LGMN: variants seen among roughly 807,000 people sequenced by gnomAD.
The protein encoded by LGMN is legumain.
A neutral mutation model predicts 56.8 loss-of-function variants in LGMN; 36 were observed. That is an observed-to-expected ratio of 0.63 (90% confidence interval 0.49 to 0.84). The LOEUF (loss-of-function observed/expected upper bound fraction) is 0.84. Among genes scored for constraint, LGMN ranks in the 40% least tolerant of loss-of-function variants. LGMN has a pLI of 0.00. For missense variants in LGMN, 446 were observed against 556.1 expected (o/e 0.80, Z 1.99); for synonymous variants, 199 against 210.1 (o/e 0.95, Z 0.46).
intron 7 of LGMN, among the ~76,000 whole-genome samples, chr14:92,713,391 C>T (rs908189684): frequency 6.6e-6 from 1 of 152,036 alleles, no homozygotes; most frequent in Non-Finnish European, 1.5e-5. Flanking sequence ...AAAACTCTGG[C>T]CCTGCACAGT....
chr14:92,732,939 A>G lies in LGMN; in HGVS notation c.-29-124T>C. The G allele has an allele frequency of 4.6e-6, 3 of 656,280 alleles. No individual in the cohort carries two copies. The East Asian group carries it at 8.9e-5, about 19-fold the overall frequency. 40.7% of individuals were successfully genotyped at this position (656,280 alleles called of 1,614,324 possible). A position where few individuals can be genotyped will look rare whatever the true frequency, so the allele number is the denominator to read the frequency against. On this transcript the variant is annotated intron_variant, in intron 1 of 13. Transcript: ENST00000334869. ...GCCGAGGAGGGTGGATCAAGAGGTC[A>G]GGAGTTTGAGATCAGCTTGGCCAAC... is the stretch of plus-strand genomic sequence containing the variant.
intron 11 of LGMN, among the ~76,000 whole-genome samples, chr14:92,707,822 G>A (rs1369128962): frequency 1.3e-5 from 2 of 152,130 alleles, no homozygotes; most frequent in Non-Finnish European, 2.9e-5. Flanking sequence ...TACCAAAGAA[G>A]TCCTATATGA....
intron 1 of LGMN, chr14:92,733,725 T>C (rs1891166660): frequency 6.6e-6 from 1 of 152,178 alleles, no homozygotes; most frequent in Non-Finnish European, 1.5e-5. Context: ...GAGAATTGCC[T>C]GAAACCGGGA....
chr14:92,725,209 C>T (rs1283292467), intron 2 of LGMN, among the ~76,000 whole-genome samples: 2 of 152,230 alleles, frequency 1.3e-5, no homozygotes, highest in African/African-American at 4.8e-5. Flanking sequence ...CATTCCCTTG[C>T]ACAGTCCCCT....
chr14:92,744,199 C>A (rs1242098), intron 1 of LGMN, among the ~76,000 whole-genome samples: 32,217 of 151,954 alleles, frequency 0.21, 4,648 homozygotes, highest in African/African-American at 0.41. Context: ...TACTCAGCTT[C>A]GTTTATTGTT....
Position 92,732,726 on chromosome 14 carries a change from C to T in LGMN, c.61G>A (p.Asp21Asn). 1 of 1,614,172 alleles carries T rather than the reference C, an allele frequency of 6.2e-7. No individual in the cohort carries two copies. Among genetic ancestry groups the T allele is most frequent in the Non-Finnish European group, 8.5e-7 (1 of 1,180,022 alleles). Residue 21 changes from aspartate (D) to asparagine (N), a missense_variant, in exon 2 of 14, where the codon GAT becomes AAT. Transcript: ENST00000334869. ...VALGIGAVPI[D>N]DPEDGGKHWV... is the part of the protein sequence containing the mutation. ...TGCTTGCCTCCATCTTCAGGATCAT[C>T]TATAGGAACGGCACCAATGCCCAGG...
Position 92,711,929 on chromosome 14 carries a change from T to G in LGMN, c.637A>C (p.Arg213=). ...NVYATTAANP[R]ESSYACYYDE... ...TAGTAACAGGCGTAGGACGACTCTC[T>G]GGGGTTGGCAGCAGTAGTTGCATAA... The change falls in exon 9 of 14, where the codon AGA becomes CGA. Residue 213 remains arginine, a synonymous_variant. Transcript: ENST00000334869. 1 of 1,614,000 alleles carries G rather than the reference T, an allele frequency of 6.2e-7. No individual in the cohort carries two copies. The highest frequency in any genetic ancestry group is 1.1e-5 in the South Asian group (1 of 91,076).
intron 4 of LGMN, 97 bp downstream of exon 4, chr14:92,717,283 C>G (rs1270701505): frequency 4.0e-6 from 3 of 751,992 alleles, no homozygotes; most frequent in African/African-American, 3.5e-5. Context: ...AGAAGCCAGT[C>G]TAGGGAGATT....
chr14:92,729,465 A>ATGCC (rs1288490820), intron 2 of LGMN, among the ~76,000 whole-genome samples: 1 of 18,110 alleles, frequency 5.5e-5, no homozygotes, highest in East Asian at 3.5e-3. Context: ...ACCTCAGATC[A>ATGCC]CGCCCCCCCC....
chr14:92,738,562 G>A (rs1414011055), intron 1 of LGMN, among the ~76,000 whole-genome samples: 4 of 151,650 alleles, frequency 2.6e-5, no homozygotes, highest in Non-Finnish European at 4.4e-5. Flanking sequence ...ACAGGCGTGA[G>A]CCACCGCGCC....
chr14:92,745,024 A>G lies in LGMN; in HGVS notation c.-30+3465T>C, dbSNP rs185705303. Among the ~76,000 whole-genome samples the G allele has an allele frequency of 3.3e-5, 5 of 152,354 alleles. No individual in the cohort carries two copies. The East Asian group carries it at 9.6e-4, about 29-fold the overall frequency. On this transcript the variant is annotated intron_variant, in intron 1 of 13. Transcript: ENST00000334869. ...AAGGAAATTTGGGTCAACGGTGGGC[A>G]CAGTGTCTCCTGCCTGTAATCCCAG...
At chr14:92,712,067 A>G in intron 8 of LGMN, 112 bp from the exon 9 acceptor site, 1 of 818,348 alleles carries the variant, frequency 1.2e-6, no homozygotes, top group Admixed American at 1.8e-5. Flanking sequence ...GCTACTTATG[A>G]TCCACACAGG....
At chr14:92,716,790 G>A (rs1890097115) in intron 4 of LGMN, among the ~76,000 whole-genome samples, 2 of 152,002 alleles carry the variant, frequency 1.3e-5, no homozygotes, top group African/African-American at 4.8e-5. Flanking sequence ...CTTATCAAAA[G>A]GATAATTAAT....
chr14:92,723,119 T>C (rs1470791327), intron 2 of LGMN, among the ~76,000 whole-genome samples: 1 of 151,984 alleles, frequency 6.6e-6, no homozygotes, highest in African/African-American at 2.4e-5. Flanking sequence ...CGATCTCGGC[T>C]CACTGCAACC....
intron 12 of LGMN, among the ~76,000 whole-genome samples, chr14:92,706,064 C>T (rs1464395530): frequency 6.6e-6 from 1 of 152,192 alleles, no homozygotes; most frequent in Non-Finnish European, 1.5e-5. Context: ...TCCAATTCTA[C>T]ATCTGCAGAA....
chr14:92,726,816 C>T (rs1020451919), intron 2 of LGMN, among the ~76,000 whole-genome samples: 26 of 152,164 alleles, frequency 1.7e-4, no homozygotes, highest in African/African-American at 5.8e-4. Context: ...ACCTACCCAG[C>T]TCCAAGTGGT....
At chr14:92,716,708 A>C (rs560700971) in intron 4 of LGMN, among the ~76,000 whole-genome samples, 1 of 152,358 alleles carries the variant, frequency 6.6e-6, no homozygotes, top group South Asian at 2.1e-4. Context: ...TGTTAAATTT[A>C]ATTGTATTTG....
rs185536037 is a variant in LGMN at position 92,703,953 on chromosome 14, T to C, written c.*366A>G. On this transcript the variant is annotated 3_prime_UTR_variant, in exon 14 of 14. Coordinates refer to ENST00000334869, the MANE Select transcript of LGMN (RefSeq NM_005606.7). The stretch of plus-strand genomic sequence containing the variant: ...CTCTTCAATAAAATCATTCTGAAGA[T>C]TTAAAGAGGTTTCAGCTTCAAATTC... The C allele has an allele frequency of 5.8e-4, 334 of 577,032 alleles. No homozygotes were observed. Among genetic ancestry groups the C allele is most frequent in the African/African-American group, 5.6e-3 (301 of 53,342 alleles). The allele number at this position is 577,032 out of a possible 1,614,324, so 35.7% of individuals were successfully genotyped here.
At position 92,706,600 on chromosome 14, in the gene LGMN, C is replaced by T. The variant is rs146747445; in HGVS notation, c.1074G>A (p.Ala358=). The T allele has an allele frequency of 6.8e-4, 1,090 of 1,602,656 alleles. 4 individuals are homozygous for T. The African/African-American group carries it at 9.6e-3, about 14-fold the overall frequency. ...GGAGCTGCTCCACCTCAGCCTCGGA[C>T]GCTGCCAGCAAGGAGACGATCTTAC... ...SVRKIVSLLA[A]SEAEVEQLLS... Residue 358 remains alanine, a synonymous_variant, in exon 12 of 14, where the codon GCG becomes GCA. Coordinates refer to ENST00000334869, the MANE Select transcript of LGMN (RefSeq NM_005606.7).
Sources: allele counts gnomAD v4.1 joint callset (sites outside exome capture counted in the v4.1 genomes callset), GRCh38; gene constraint gnomAD v4.1.1; transcripts MANE v1.5; gene names NCBI Gene and HGNC (gene_info 2026-07-23, HGNC 2026-07-21).